KHDC1: variants seen among roughly 807,000 people sequenced by gnomAD.
KHDC1 encodes the protein KH domain containing 1.
A neutral mutation model predicts 24.7 loss-of-function variants in KHDC1; 21 were observed. That is an observed-to-expected ratio of 0.85 (90% CI 0.60 to 1.23). The LOEUF (loss-of-function observed/expected upper bound fraction) is 1.23. Among genes scored for constraint, KHDC1 ranks in the 50% most tolerant of loss-of-function variants. KHDC1 has a pLI of 0.00. For synonymous variants in KHDC1, 98 were observed against 111.7 expected (o/e 0.88, Z 0.77); for missense variants, 274 against 298.5 (o/e 0.92, Z 0.61).
intron 2 of KHDC1, chr6:73,284,614 T>A (rs1767485253): frequency 6.6e-6 from 1 of 152,078 alleles, no homozygotes; most frequent in African/African-American, 2.4e-5. Context: ...ACTATTTCTT[T>A]ACTACCACAA....
chr6:73,292,369 A>G (rs943662351), intron 1 of KHDC1: 13 of 800,606 alleles, frequency 1.6e-5, no homozygotes, highest in African/African-American at 3.4e-5. Context: ...CATATGCAAA[A>G]TTCCAGTATG....
chr6:73,248,360 CTCTG>C (rs1025848190), intron 2 of KHDC1, among the ~76,000 whole-genome samples: 6 of 151,438 alleles, frequency 4.0e-5, no homozygotes, highest in African/African-American at 1.5e-4. Flanking sequence ...CCACTTCTCT[CTCTG>C]TCTCTCTCTC....
At position 73,241,744 on chromosome 6, in the gene KHDC1, C is replaced by T. The variant is rs1582546882; in HGVS notation, c.515-16G>A. ...ATCTCCAGGCCTGCAAAATAAGTGC[C>T]CAGGGCTAATGAACCAGGGCCCATA... On this transcript the variant is annotated splice_polypyrimidine_tract_variant and intron_variant, in intron 4 of 4. Coordinates refer to ENST00000370384, the Ensembl canonical transcript of KHDC1. 2 of 1,613,848 alleles carry T rather than the reference C, an allele frequency of 1.2e-6. No homozygotes were observed. Among genetic ancestry groups the T allele is most frequent in the Non-Finnish European group, 8.5e-7 (1 of 1,179,900 alleles).
intron 1 of KHDC1, among the ~76,000 whole-genome samples, chr6:73,301,608 G>A (rs888373197): frequency 1.3e-5 from 2 of 152,060 alleles, no homozygotes; most frequent in Admixed American, 6.6e-5. Context: ...TGTGCTATAT[G>A]TATAATGGTT....
intron 2 of KHDC1, chr6:73,276,468 A>G (rs1219370015): frequency 1.3e-5 from 2 of 151,052 alleles, no homozygotes; most frequent in African/African-American, 4.9e-5. Flanking sequence ...ACCTGGGCGA[A>G]AGAGCAAAAC....
chr6:73,245,179 G>C (rs1207710881), intron 2 of KHDC1, among the ~76,000 whole-genome samples: 4 of 152,170 alleles, frequency 2.6e-5, no homozygotes, highest in Non-Finnish European at 5.9e-5. Context: ...CTCGGGTGAA[G>C]TATCTACTTG....
intron 1 of KHDC1, chr6:73,292,911 T>A: frequency 1.2e-6 from 1 of 814,766 alleles, no homozygotes; most frequent in Non-Finnish European, 2.1e-6. Context: ...GTGAACGACT[T>A]CTTGGTGGCT....
intron 2 of KHDC1, chr6:73,290,661 G>C (rs1767632771): frequency 2.1e-6 from 1 of 483,300 alleles, no homozygotes; most frequent in Non-Finnish European, 4.1e-6. Flanking sequence ...CTAGCTAGTG[G>C]GCTGTGCTGA....
chr6:73,288,711 A>T (rs1351038448), intron 2 of KHDC1, among the ~76,000 whole-genome samples: 1 of 151,364 alleles, frequency 6.6e-6, no homozygotes, highest in African/African-American at 2.4e-5. Context: ...ACTTGAAGCC[A>T]GGAGTTTAAG....
At chr6:73,298,423 A>ATTTTTTTTTTTTT (rs370446904) in intron 1 of KHDC1, among the ~76,000 whole-genome samples, 18 of 59,976 alleles carry the variant, frequency 3.0e-4, no homozygotes, top group African/African-American at 1.2e-3. Context: ...TACTTTGCAA[A>ATTTTTTTTTTTTT]TTTTTTTTTT....
Position 73,280,706 on chromosome 6 carries a change from G to A in KHDC1, c.206+11292C>T, listed in dbSNP as rs1011608060. Among the ~76,000 whole-genome samples, 14 of 151,334 alleles carry A rather than the reference G, an allele frequency of 9.3e-5. No homozygotes were observed. The South Asian group carries it at 1.0e-3, about 11-fold the overall frequency. On this transcript the variant is annotated intron_variant, in intron 2 of 4. Transcript: ENST00000370384. ...CAGCTAATTTTGTATTTTTAGTAGC[G>A]ATGGGGTTTCTCCATATTGGTCAGG...
chr6:73,285,880 C>A (rs1457632271), intron 2 of KHDC1, among the ~76,000 whole-genome samples: 2 of 152,118 alleles, frequency 1.3e-5, no homozygotes, highest in Non-Finnish European at 2.9e-5. Flanking sequence ...AAGTTAGCCA[C>A]CAGATGGAGC....
rs1300248906 is a variant in KHDC1 at position 73,289,962 on chromosome 6, C to T, written c.206+2036G>A. Among the ~76,000 whole-genome samples, 13 of 137,742 alleles carry T rather than the reference C, an allele frequency of 9.4e-5. No individual in the cohort carries two copies. The South Asian group carries it at 1.6e-3, about 17-fold the overall frequency. 90.4% of individuals were successfully genotyped at this position (137,742 alleles called of 152,430 possible). A position where few individuals can be genotyped will look rare whatever the true frequency, so the allele number is the denominator to read the frequency against. On this transcript the variant is annotated intron_variant, in intron 2 of 4. Transcript: ENST00000370384. The stretch of plus-strand genomic sequence containing the variant: ...AAAAATACAACAAATTAGCCGGGCG[C>T]GGTGGCGGGCGCCTGTAGTCCCAGC...
At chr6:73,264,083 A>G (rs1373623704) in intron 2 of KHDC1, among the ~76,000 whole-genome samples, 2 of 152,092 alleles carry the variant, frequency 1.3e-5, no homozygotes, top group East Asian at 3.9e-4. Flanking sequence ...CCTGTAGCCC[A>G]AGCTATATGG....
At chr6:73,277,239 C>T (rs993979700) in intron 2 of KHDC1, among the ~76,000 whole-genome samples, 8 of 152,096 alleles carry the variant, frequency 5.3e-5, no homozygotes, top group African/African-American at 1.2e-4. Context: ...TGGAGGCAGG[C>T]GGATCACCTG....
chr6:73,277,454 G>T (rs984442321), intron 2 of KHDC1, among the ~76,000 whole-genome samples: 2 of 152,084 alleles, frequency 1.3e-5, no homozygotes, highest in Non-Finnish European at 2.9e-5. Context: ...GACAGAGCAA[G>T]ACTCTGTCTC....
intron 2 of KHDC1, among the ~76,000 whole-genome samples, chr6:73,254,785 G>C (rs760959198): frequency 3.9e-5 from 6 of 152,030 alleles, no homozygotes; most frequent in Non-Finnish European, 8.8e-5. Flanking sequence ...GGCGGATCAC[G>C]AGGTCAGGAG....
exon 1 of KHDC1, chr6:73,309,918 G>T: frequency 1.8e-6 from 1 of 546,790 alleles, no homozygotes; most frequent in South Asian, 2.5e-5. Flanking sequence ...GCGCCACCGC[G>T]AGAAGTGGGC....
intron 2 of KHDC1, chr6:73,291,242 G>A (rs1767645719): frequency 5.0e-6 from 2 of 403,684 alleles, no homozygotes; most frequent in South Asian, 3.9e-5. Flanking sequence ...CACTGAATGG[G>A]TAAGAATAAC....
Sources: gnomAD v4.1 joint callset for allele counts (sites outside exome capture counted in the v4.1 genomes callset) on GRCh38, gnomAD v4.1.1 for gene constraint, MANE v1.5 for transcripts, NCBI Gene and HGNC (gene_info 2026-07-23, HGNC 2026-07-21) for gene names.